The following TRPC4AP variants were observed in gnomAD, a reference collection of about 807,000 sequenced individuals.
The protein encoded by TRPC4AP is short transient receptor potential channel 4-associated protein.
TRPC4AP carries 45 observed loss-of-function variants against 99.0 expected under a neutral mutation model. The observed-to-expected ratio is 0.45, with a 90% CI of 0.36 to 0.58. The LOEUF (loss-of-function observed/expected upper bound fraction) is 0.58, where lower values mean the gene tolerates loss of function less well. Among genes scored for constraint, TRPC4AP ranks in the 20% least tolerant of loss-of-function variants. The pLI, the probability that TRPC4AP is intolerant of heterozygous loss-of-function variation, is 0.00. For synonymous variants in TRPC4AP, 408 were observed against 385.8 expected, an observed-to-expected ratio of 1.06 and a Z score of -0.67; for missense variants, 879 against 985.3, an observed-to-expected ratio of 0.89 and a Z score of 1.44.
At chr20:35,054,594 G>A (rs201996680) in intron 5 of TRPC4AP, among the ~76,000 whole-genome samples, 6 of 152,082 alleles carry the variant, frequency 3.9e-5, no homozygotes, top group East Asian at 3.9e-4. Flanking sequence ...ATATATGGGC[G>A]GGGCTTCTGG....
Position 35,069,333 on chromosome 20 carries a change from G to C in TRPC4AP, c.377C>G (p.Pro126Arg). The change falls in exon 3 of 19, where the codon CCA becomes CGA. Residue 126 changes from proline to arginine, a missense_variant. Transcript: ENST00000252015. ...ERKLTQETTYPNTYIFDLFGG... is the reference protein window; with the variant it reads ...ERKLTQETTYRNTYIFDLFGG... ...AAACAAGTCAAAAATGTAAGTATTT[G>C]GATAAGTGGTTTCTTGGGTAAGTTT... 1 of 1,611,140 alleles carries C rather than the reference G, an allele frequency of 6.2e-7. No homozygotes were observed. The highest frequency in any genetic ancestry group is 8.5e-7 in the Non-Finnish European group (1 of 1,177,502).
In TRPC4AP at chr20:35,002,985, G is replaced by A; in HGVS notation, c.*161C>T. The stretch of plus-strand genomic sequence containing the variant: ...ATGACCTAGGGCCCTCAGACCCAGG[G>A]GGACCAAGGGCTTCTAGGACTTCCC... On this transcript the variant is annotated 3_prime_UTR_variant, in exon 19 of 19. Transcript: ENST00000252015. The A allele has an allele frequency of 1.0e-6, 1 of 985,216 alleles. No homozygotes were observed. The highest frequency in any genetic ancestry group is 2.5e-5 in the East Asian group (1 of 39,440). 61.0% of individuals were successfully genotyped at this position (985,216 alleles called of 1,614,324 possible). A position where few individuals can be genotyped will look rare whatever the true frequency, so the allele number is the denominator to read the frequency against.
chr20:35,078,165 T>C lies in TRPC4AP; in HGVS notation c.178A>G (p.Thr60Ala). ...TGTTTGTCCCTCTCCGTCAAAAAAG[T>C]CTCAGTGAACTGTGAGTCAAAAAAA... Reference protein sequence around the residue: ...GLVRAVQFTETFLTERDKQSK... With the variant: ...GLVRAVQFTEAFLTERDKQSK... Residue 60 changes from threonine to alanine, a missense_variant, in exon 2 of 19, where the codon ACT becomes GCT. Physicochemically the swap from Thr to Ala is moderately conservative, Grantham distance 58. This residue lies in a region of TRPC4AP where 603 missense variants were observed against 631.8 expected (regional missense o/e 0.95). Transcript: ENST00000252015. 3 of 1,613,444 alleles carry C rather than the reference T, an allele frequency of 1.9e-6. No homozygotes were observed. The highest frequency in any genetic ancestry group is 2.5e-6 in the Non-Finnish European group (3 of 1,179,602).
At chr20:35,086,473 G>GTA (rs1390070010) in intron 1 of TRPC4AP, among the ~76,000 whole-genome samples, 6 of 105,024 alleles carry the variant, frequency 5.7e-5, no homozygotes, top group East Asian at 2.7e-4. Context: ...GTGTGTGTGT[G>GTA]TGTATGTGTG....
intron 5 of TRPC4AP, among the ~76,000 whole-genome samples, chr20:35,050,597 T>C (rs1454751835): frequency 6.6e-6 from 1 of 151,708 alleles, no homozygotes; most frequent in Non-Finnish European, 1.5e-5. Flanking sequence ...CCTGTAGTCC[T>C]AGCTACTCAG....
chr20:35,059,330 C>T (rs1243613962), intron 3 of TRPC4AP, among the ~76,000 whole-genome samples: 1 of 152,148 alleles, frequency 6.6e-6, no homozygotes, highest in Non-Finnish European at 1.5e-5. Context: ...GAAATGGACA[C>T]ATTCCTAGAA....
At chr20:35,075,559 T>TTTCTTTAAGAA (rs2084454964) in intron 2 of TRPC4AP, among the ~76,000 whole-genome samples, 1 of 152,218 alleles carries the variant, frequency 6.6e-6, no homozygotes, top group Non-Finnish European at 1.5e-5. Flanking sequence ...TGAAAATTCT[T>TTTCTTTAAGAA]TTCTTTAAGA....
intron 1 of TRPC4AP, 27 bp downstream of exon 1, chr20:35,092,587 C>A: frequency 6.8e-7 from 1 of 1,462,562 alleles, no homozygotes; most frequent in East Asian, 2.9e-5. Flanking sequence ...TCCGCCCCGC[C>A]CCGCCCCTCC....
chr20:35,023,039 A>T (rs891911952), intron 8 of TRPC4AP, among the ~76,000 whole-genome samples: 1 of 151,686 alleles, frequency 6.6e-6, no homozygotes, highest in Non-Finnish European at 1.5e-5. Context: ...AAAAAAAAAA[A>T]AGAGAGAATC....
intron 17 of TRPC4AP, 85 bp from the exon 18 acceptor site, chr20:35,003,701 GGA>G: frequency 1.4e-6 from 2 of 1,454,962 alleles, no homozygotes; most frequent in East Asian, 2.4e-5. Flanking sequence ...CAGGCAGGGA[GGA>G]GAGTGGCCCC....
At chr20:35,080,346 A>T (rs1412901245) in intron 1 of TRPC4AP, among the ~76,000 whole-genome samples, 1 of 151,874 alleles carries the variant, frequency 6.6e-6, no homozygotes, top group Admixed American at 6.6e-5. Context: ...ACAAAAAAAA[A>T]AAAAATTAGC....
chr20:35,087,084 C>A (rs2084906808), intron 1 of TRPC4AP, among the ~76,000 whole-genome samples: 1 of 150,654 alleles, frequency 6.6e-6, no homozygotes, highest in Non-Finnish European at 1.5e-5. Flanking sequence ...AATCCCAGCA[C>A]CTTGGGAGGC....
At position 35,049,877 on chromosome 20, in the gene TRPC4AP, C is replaced by T; in HGVS notation, c.646G>A (p.Gly216Ser). The change falls in exon 6 of 19, where the codon GGT becomes AGT. Residue 216 changes from glycine (G) to serine (S), a missense_variant. By Grantham distance (56) the Gly-to-Ser change is moderately conservative (BLOSUM62 0). Transcript: ENST00000252015. ...AGGACACAGCTCACCTTTTTAACACCCAAAATATCTTCAATGAGGGTTGCT... is the reference window on the plus strand; with the variant it reads ...AGGACACAGCTCACCTTTTTAACACTCAAAATATCTTCAATGAGGGTTGCT... ...QTATLIEDIL[G>S]VKKEMIRLDE... The T allele has an allele frequency of 6.2e-7, 1 of 1,613,168 alleles. No individual in the cohort carries two copies. Among genetic ancestry groups the T allele is most frequent in the Non-Finnish European group, 8.5e-7 (1 of 1,179,550 alleles).
chr20:35,041,381 C>A lies in TRPC4AP; in HGVS notation c.865+3124G>T, dbSNP rs1157407406. 2.6e-5 allele frequency among the ~76,000 whole-genome samples: 4 copies of A among 152,222 alleles called. No individual in the cohort carries two copies. The East Asian group carries it at 7.7e-4, about 29-fold the overall frequency. On this transcript the variant is annotated intron_variant, in intron 7 of 18. Transcript: ENST00000252015. Reference sequence around the variant, plus strand: ...AAGGGAATGGAGTAGGAATTATGGTCAGGGTTGGGAAGGGTCAGATCCTGC... The same window carrying A: ...AAGGGAATGGAGTAGGAATTATGGTAAGGGTTGGGAAGGGTCAGATCCTGC...
chr20:35,070,958 C>T (rs975580492), intron 2 of TRPC4AP, among the ~76,000 whole-genome samples: 1 of 152,192 alleles, frequency 6.6e-6, no homozygotes, highest in South Asian at 2.1e-4. Context: ...GATCACATAG[C>T]AAAGATATAC....
At position 35,069,311 on chromosome 20, in the gene TRPC4AP, C is replaced by A. The variant is rs780011915; in HGVS notation, c.399G>T (p.Leu133Phe). ...TTYPNTYIFDLFGGVDLLVEI... is the reference protein window; with the variant it reads ...TTYPNTYIFDFFGGVDLLVEI... ...AGCTACTTACATCAACACCTCCAAA[C>A]AAGTCAAAAATGTAAGTATTTGGAT... Residue 133 changes from leucine to phenylalanine, a missense_variant, in exon 3 of 19, where the codon TTG becomes TTT. By Grantham distance (22) the Leu-to-Phe change is conservative (BLOSUM62 0). Around this residue, in one of 3 missense-constraint regions of TRPC4AP, gnomAD observed 603 missense variants for 631.8 expected, o/e 0.95. Coordinates refer to ENST00000252015, the MANE Select transcript of TRPC4AP (RefSeq NM_015638.3). The A allele has an allele frequency of 3.1e-5, 50 of 1,598,606 alleles. No individual in the cohort carries two copies. Among genetic ancestry groups the A allele is most frequent in the Middle Eastern group, 3.3e-4 (2 of 6,034 alleles).
intron 7 of TRPC4AP, among the ~76,000 whole-genome samples, chr20:35,036,930 T>A (rs1470518381): frequency 6.9e-6 from 1 of 145,486 alleles, no homozygotes; most frequent in Non-Finnish European, 1.5e-5. Flanking sequence ...TGGGCAAGAG[T>A]GATACTCTGT....
At chr20:35,024,825 C>CCAAAAAAAAAAAAAAAAAAAAAA (rs1555904985) in intron 8 of TRPC4AP, among the ~76,000 whole-genome samples, 1 of 35,882 alleles carries the variant, frequency 2.8e-5, no homozygotes, top group Non-Finnish European at 5.0e-5. Flanking sequence ...GAGACCGTCT[C>CCAAAAAAAAAAAAAAAAAAAAAA]AAAAAAAAAA....
Position 35,002,932 on chromosome 20 carries a change from G to C in TRPC4AP, c.*214C>G. 3.4e-6 allele frequency: 2 copies of C among 593,778 alleles called. No homozygotes were observed. The highest frequency in any genetic ancestry group is 4.2e-5 in the South Asian group (2 of 47,664). The allele number at this position is 593,778 out of a possible 1,614,324, so 36.8% of individuals were successfully genotyped here. On this transcript the variant is annotated 3_prime_UTR_variant, in exon 19 of 19. Transcript: ENST00000252015. ...GAAGGAAAGGTGGGCATGGTACCCT[G>C]TCCTCATTATGGGGACTGAGGCTCT...
Sources: allele counts gnomAD v4.1 joint callset (sites outside exome capture counted in the v4.1 genomes callset), GRCh38; gene constraint gnomAD v4.1.1; regional missense constraint gnomAD v4.1.1; transcripts MANE v1.5; gene names NCBI Gene and HGNC (gene_info 2026-07-23, HGNC 2026-07-21).